Variants in TRAM2 observed in about 807,000 individuals in gnomAD.
The protein encoded by TRAM2 is translocation associated membrane protein 2.
A neutral mutation model predicts 51.0 loss-of-function variants in TRAM2; 12 were observed. That is an observed-to-expected ratio of 0.24 (90% CI 0.15 to 0.38). TRAM2 has a LOEUF of 0.38. Ranked by LOEUF, TRAM2 falls within the 10% of genes least tolerant of loss-of-function variation. The probability of loss-of-function intolerance (pLI) is 1.00; values close to 1 mark genes in which losing one functional copy is unlikely to be tolerated. For synonymous variants in TRAM2, 175 were observed against 179.4 expected (o/e 0.98, Z 0.20); for missense variants, 361 against 462.0 (o/e 0.78, Z 2.00).
intron 2 of TRAM2, chr6:52,523,629 T>C (rs778190325): frequency 6.6e-6 from 1 of 152,216 alleles, no homozygotes; most frequent in Non-Finnish European, 1.5e-5. Context: ...CGGTACCACC[T>C]CTTTGGAGGG....
At chr6:52,506,485 G>A (rs1766352307) in intron 7 of TRAM2, among the ~76,000 whole-genome samples, 1 of 152,176 alleles carries the variant, frequency 6.6e-6, no homozygotes, top group African/African-American at 2.4e-5. Flanking sequence ...CATTTGCTGA[G>A]CTCTGAGTAT....
intron 1 of TRAM2, among the ~76,000 whole-genome samples, chr6:52,546,122 T>C (rs1767195427): frequency 6.6e-6 from 1 of 152,166 alleles, no homozygotes; most frequent in African/African-American, 2.4e-5. Flanking sequence ...CTACCTGATC[T>C]GCACTCTGAA....
chr6:52,565,728 C>T (rs1767579918), intron 1 of TRAM2, among the ~76,000 whole-genome samples: 1 of 152,226 alleles, frequency 6.6e-6, no homozygotes, highest in Non-Finnish European at 1.5e-5. Context: ...CAGGAACTTC[C>T]AGGTGCAAAC....
intron 2 of TRAM2, among the ~76,000 whole-genome samples, chr6:52,533,242 T>C (rs1042481722): frequency 2.0e-5 from 3 of 152,254 alleles, no homozygotes; most frequent in African/African-American, 7.2e-5. Flanking sequence ...ATGGTTACGA[T>C]AGTACATTTT....
chr6:52,568,210 C>T (rs574156606), intron 1 of TRAM2, among the ~76,000 whole-genome samples: 33 of 152,296 alleles, frequency 2.2e-4, no homozygotes, highest in Admixed American at 7.2e-4. Context: ...ATAATTCATT[C>T]CTCAAGAACC....
At position 52,497,821 on chromosome 6, in the gene TRAM2, A is replaced by T. The variant is rs1238851463; in HGVS notation, c.*5376T>A. On this transcript the variant is annotated 3_prime_UTR_variant, in exon 11 of 11. Transcript: ENST00000182527. ...CACTCAAATCTGTACCCAAGGAAAC[A>T]GCGGTATTATATTTACTGTCACAGC... The T allele has an allele frequency of 2.0e-5, 3 of 152,436 alleles. No individual in the cohort carries two copies. The East Asian group carries it at 5.8e-4, about 29-fold the overall frequency. The allele number at this position is 152,436 out of a possible 1,614,324, so 9.4% of individuals were successfully genotyped here.
chr6:52,546,619 A>T (rs2268721), intron 1 of TRAM2, among the ~76,000 whole-genome samples: 30,526 of 152,166 alleles, frequency 0.2, 3,993 homozygotes, highest in Non-Finnish European at 0.29. Flanking sequence ...CTTGTTCAGG[A>T]AACAGACACA....
At chr6:52,557,313 T>C (rs1767428323) in intron 1 of TRAM2, among the ~76,000 whole-genome samples, 1 of 152,196 alleles carries the variant, frequency 6.6e-6, no homozygotes, top group Admixed American at 6.5e-5. Context: ...ACAATACTCA[T>C]GGAATTAATT....
intron 1 of TRAM2, among the ~76,000 whole-genome samples, chr6:52,569,950 T>C (rs1319901668): frequency 2.0e-5 from 3 of 152,184 alleles, no homozygotes; most frequent in African/African-American, 7.2e-5. Context: ...CCACCAGAGA[T>C]GAGTCAGAAG....
intron 9 of TRAM2, among the ~76,000 whole-genome samples, chr6:52,505,199 G>T (rs866446814): frequency 1.3e-5 from 2 of 152,220 alleles, no homozygotes; most frequent in Admixed American, 6.5e-5. Context: ...ACTCTCCTGG[G>T]CCTAGGGGCT....
rs1450972833 is a variant in TRAM2 at position 52,542,285 on chromosome 6, T to A, written c.121-6439A>T. Among the ~76,000 whole-genome samples the A allele has an allele frequency of 4.3e-5, 5 of 117,630 alleles. No homozygotes were observed. In the East Asian group the frequency reaches 8.8e-4, roughly 21 times the overall value. 77.2% of individuals were successfully genotyped at this position (117,630 alleles called of 152,430 possible). On this transcript the variant is annotated intron_variant, in intron 1 of 10. Transcript: ENST00000182527. ...GGGTTTTTTTTTTTTTTAAAAAAAATAGTCTTTTAGCCTTTTTTCCTGGAG... is the reference window on the plus strand; with the variant it reads ...GGGTTTTTTTTTTTTTTAAAAAAAAAAGTCTTTTAGCCTTTTTTCCTGGAG...
Position 52,531,147 on chromosome 6 carries a change from T to G in TRAM2, c.184+4636A>C, listed in dbSNP as rs1347608334. Among the ~76,000 whole-genome samples, 3 of 139,954 alleles carry G rather than the reference T, an allele frequency of 2.1e-5. No individual in the cohort carries two copies. The East Asian group carries it at 6.3e-4, about 30-fold the overall frequency. 91.8% of individuals were successfully genotyped at this position (139,954 alleles called of 152,430 possible). ...AAAAAAAAAAAAAAAAAAAGGTACA[T>G]TTCCAAGAGTAGAGTACGATCTAAG... On this transcript the variant is annotated intron_variant, in intron 2 of 10. Transcript: ENST00000182527.
rs184783389 is a variant in TRAM2 at position 52,503,324 on chromosome 6, G to A, written c.1040-54C>T. 4.1e-4 allele frequency: 637 copies of A among 1,542,728 alleles called. 4 individuals carry two copies. The African/African-American group carries it at 6.9e-3, about 17-fold the overall frequency. On this transcript the variant is annotated intron_variant, in intron 10 of 10. Transcript: ENST00000182527. ...TGGTGTTTCTGCTGGAGCTAAGGCA[G>A]AAGAGGGGAGGGTGGGGCCAGGCCA...
chr6:52,548,976 T>C (rs1767259782), intron 1 of TRAM2, among the ~76,000 whole-genome samples: 2 of 152,144 alleles, frequency 1.3e-5, no homozygotes, highest in African/African-American at 4.8e-5. Context: ...AGGCGGTGAT[T>C]TGAGCCAGAA....
At chr6:52,569,275 A>G (rs1276630549) in intron 1 of TRAM2, among the ~76,000 whole-genome samples, 1 of 151,958 alleles carries the variant, frequency 6.6e-6, no homozygotes, top group East Asian at 1.9e-4. Context: ...CTGTAGTCCC[A>G]GCCACTTGGG....
At chr6:52,545,657 T>C (rs1247670250) in intron 1 of TRAM2, among the ~76,000 whole-genome samples, 3 of 126,308 alleles carry the variant, frequency 2.4e-5, no homozygotes, top group Non-Finnish European at 1.6e-5. Context: ...ACCAAGGCCA[T>C]GGCCTTGCCA....
Position 52,512,251 on chromosome 6 carries a change from AC to A in TRAM2, c.412-2666del, listed in dbSNP as rs1489957487. Among the ~76,000 whole-genome samples, 90 of 152,362 alleles carry A rather than the reference AC, an allele frequency of 5.9e-4. 1 individual carries two copies. Among genetic ancestry groups the A allele is most frequent in the East Asian group, 1.9e-4 (1 of 5,186 alleles). The stretch of plus-strand genomic sequence containing the variant: ...AGCCCAGAAAATCTCGTGATTTTAA[AC>A]AGGAACGCTCCTTGGCTTGGCCTCT... On this transcript the variant is annotated intron_variant, in intron 4 of 10. Coordinates refer to ENST00000182527, the MANE Select transcript of TRAM2 (RefSeq NM_012288.4).
chr6:52,514,749 G>A (rs909806979), intron 4 of TRAM2, among the ~76,000 whole-genome samples: 2 of 152,238 alleles, frequency 1.3e-5, no homozygotes, highest in African/African-American at 2.4e-5. Flanking sequence ...GGTATCTTGA[G>A]GCTGTTCTGC....
intron 1 of TRAM2, among the ~76,000 whole-genome samples, chr6:52,536,116 C>T (rs768977371): frequency 5.3e-5 from 8 of 152,206 alleles, no homozygotes; most frequent in Non-Finnish European, 1.0e-4. Flanking sequence ...CAGGAGCTCA[C>T]AAGTGAATAG....
Sources: gnomAD v4.1 joint callset for allele counts (sites outside exome capture counted in the v4.1 genomes callset) on GRCh38, gnomAD v4.1.1 for gene constraint, MANE v1.5 for transcripts, NCBI Gene and HGNC (gene_info 2026-07-23, HGNC 2026-07-21) for gene names.